The following TAAR1 variants were observed in gnomAD, a reference collection of about 807,000 sequenced individuals.
TAAR1 encodes the protein trace amine associated receptor 1.
TAAR1 carries 1 observed loss-of-function variant against 1.2 expected under a neutral mutation model. The ratio of observed to expected loss-of-function variants is 0.81; its 90% CI spans 0.29 to 3.86. The LOEUF is 3.86. Ranked by LOEUF, TAAR1 falls within the 30% of genes most tolerant of loss-of-function variation. The pLI is 0.18. For synonymous variants in TAAR1, 153 were observed against 132.2 expected (o/e 1.16, Z -1.08); for missense variants, 445 against 405.6 (o/e 1.10, Z -0.83).
rs139185142 is a variant in TAAR1, at chr6:132,644,822, T to G, written c.*162A>C. Among the ~76,000 whole-genome samples, 2 of 152,110 alleles carry G rather than the reference T, an allele frequency of 1.3e-5. No individual in the cohort carries two copies. The highest frequency in any genetic ancestry group is 3.9e-4 in the East Asian group (2 of 5,182). On this transcript the variant is annotated 3_prime_UTR_variant, in exon 2 of 2. Coordinates refer to ENST00000275216, the MANE Select transcript of TAAR1 (RefSeq NM_138327.4). ...AAGCGTATACCTACTATGTCCCAAA[T>G]AGGAAATTACCTATAAGCATCATAA...
intron 1 of TAAR1, among the ~76,000 whole-genome samples, chr6:132,647,393 CAT>C (rs527267533): frequency 4.4e-4 from 54 of 121,536 alleles, no homozygotes; most frequent in African/African-American, 1.2e-3. Context: ...CACACACACA[CAT>C]ATATAACACA....
At chr6:132,646,654 A>G (rs187033294) in intron 1 of TAAR1, among the ~76,000 whole-genome samples, 483 of 152,296 alleles carry the variant, frequency 3.2e-3, no homozygotes, top group Middle Eastern at 6.8e-3. Flanking sequence ...ACATATATTT[A>G]TTTGCAGCTT....
chr6:132,650,520 C>T (rs1777738850), intron 1 of TAAR1, among the ~76,000 whole-genome samples: 1 of 152,226 alleles, frequency 6.6e-6, no homozygotes, highest in African/African-American at 2.4e-5. Context: ...TCATTCCTCT[C>T]CTCTCTGAGA....
chr6:132,651,312 C>T (rs887117849), intron 1 of TAAR1, among the ~76,000 whole-genome samples: 1 of 152,200 alleles, frequency 6.6e-6, no homozygotes, highest in African/African-American at 2.4e-5. Flanking sequence ...AGTCTACACT[C>T]TGATGAGTAT....
In TAAR1 at chr6:132,643,321, A is replaced by G. The variant is rs1777618959; in HGVS notation, c.*1663T>C. Among the ~76,000 whole-genome samples, 2 of 151,988 alleles carry G rather than the reference A, an allele frequency of 1.3e-5. No individual in the cohort carries two copies. The highest frequency in any genetic ancestry group is 1.3e-4 in the Admixed American group (2 of 15,226). Reference sequence around the variant, plus strand: ...TACTGTAAAGTATAGAAAACTCACTAAATGCTTGTTTCCTTTTTAAAATTT... The same window carrying G: ...TACTGTAAAGTATAGAAAACTCACTGAATGCTTGTTTCCTTTTTAAAATTT... On this transcript the variant is annotated 3_prime_UTR_variant, in exon 2 of 2. Coordinates refer to ENST00000275216, the MANE Select transcript of TAAR1 (RefSeq NM_138327.4).
intron 1 of TAAR1, among the ~76,000 whole-genome samples, chr6:132,657,830 T>G (rs900135088): frequency 6.6e-6 from 1 of 152,104 alleles, no homozygotes; most frequent in African/African-American, 2.4e-5. Flanking sequence ...TCCATCTCTA[T>G]GACATATTCT....
At chr6:132,652,163 G>A (rs67114212) in intron 1 of TAAR1, among the ~76,000 whole-genome samples, 9,471 of 150,354 alleles carry the variant, frequency 0.063, 337 homozygotes, top group East Asian at 0.11. Context: ...CAAGCTAGGT[G>A]ATTTTTTTTT....
At chr6:132,655,000 C>T (rs1024094496) in intron 1 of TAAR1, among the ~76,000 whole-genome samples, 1 of 152,206 alleles carries the variant, frequency 6.6e-6, no homozygotes, top group Non-Finnish European at 1.5e-5. Context: ...CTGACATCCT[C>T]TGACAGCCCA....
In TAAR1 at chr6:132,643,809, A is replaced by C. The variant is rs1777625590; in HGVS notation, c.*1175T>G. The stretch of plus-strand genomic sequence containing the variant: ...CACTTCCTTTAGAGAATCTTATTTG[A>C]AACCATTATTTGTTCCTCTTTTGTA... On this transcript the variant is annotated 3_prime_UTR_variant, in exon 2 of 2. Transcript: ENST00000275216. 1.3e-5 allele frequency among the ~76,000 whole-genome samples: 2 copies of C among 152,014 alleles called. No homozygotes were observed. The highest frequency in any genetic ancestry group is 2.9e-5 in the Non-Finnish European group (2 of 67,942).
intron 1 of TAAR1, among the ~76,000 whole-genome samples, chr6:132,648,010 A>C (rs1777706139): frequency 6.6e-6 from 1 of 152,192 alleles, no homozygotes; most frequent in African/African-American, 2.4e-5. Context: ...ATTTATTTAA[A>C]AAGACACACA....
At chr6:132,646,612 A>G (rs896704200) in intron 1 of TAAR1, among the ~76,000 whole-genome samples, 2 of 152,150 alleles carry the variant, frequency 1.3e-5, no homozygotes, top group African/African-American at 2.4e-5. Context: ...TATATTTCTT[A>G]TTTTATAATT....
chr6:132,648,047 A>G (rs1257963793), intron 1 of TAAR1, among the ~76,000 whole-genome samples: 1 of 152,228 alleles, frequency 6.6e-6, no homozygotes, highest in Non-Finnish European at 1.5e-5. Flanking sequence ...GAAGCTAAAC[A>G]GCAAACAAAA....
chr6:132,655,302 C>T (rs1248250766), intron 1 of TAAR1, among the ~76,000 whole-genome samples: 2 of 151,468 alleles, frequency 1.3e-5, no homozygotes, highest in Admixed American at 1.3e-4. Context: ...GACTGAATCA[C>T]GGATCTGGTG....
chr6:132,645,775 T>G lies in TAAR1; in HGVS notation c.229A>C (p.Met77Leu). Reference protein sequence around the residue: ...TVDFLLGCLVMPYSMVRSAEH... With the variant: ...TVDFLLGCLVLPYSMVRSAEH... ...GCAGATCTCACCATACTGTAAGGCA[T>G]GACCAGACACCCCAGAAGAAAGTCC... The change falls in exon 2 of 2, where the codon ATG (methionine) becomes CTG (leucine). Residue 77 changes from methionine (M) to leucine (L), a missense_variant. Met to Leu is a conservative substitution (Grantham distance 15). Coordinates refer to ENST00000275216, the MANE Select transcript of TAAR1 (RefSeq NM_138327.4). 1 of 1,613,762 alleles carries G rather than the reference T, an allele frequency of 6.2e-7. No individual in the cohort carries two copies. The highest frequency in any genetic ancestry group is 8.5e-7 in the Non-Finnish European group (1 of 1,179,810).
chr6:132,657,168 T>C (rs934217330), intron 1 of TAAR1, among the ~76,000 whole-genome samples: 4 of 152,082 alleles, frequency 2.6e-5, no homozygotes, highest in African/African-American at 9.7e-5. Context: ...TAACACCTAG[T>C]TGTTATCAGG....
At chr6:132,648,747 C>T (rs1777715288) in intron 1 of TAAR1, among the ~76,000 whole-genome samples, 1 of 152,192 alleles carries the variant, frequency 6.6e-6, no homozygotes, top group African/African-American at 2.4e-5. Context: ...ATCTAAGGAC[C>T]TGGCAAAATA....
At chr6:132,657,013 A>G (rs1777810546) in intron 1 of TAAR1, among the ~76,000 whole-genome samples, 1 of 152,194 alleles carries the variant, frequency 6.6e-6, no homozygotes, top group Admixed American at 6.5e-5. Context: ...ATTAATATAT[A>G]AAGTAAGGTT....
At chr6:132,651,214 T>C (rs568847035) in intron 1 of TAAR1, among the ~76,000 whole-genome samples, 13 of 152,306 alleles carry the variant, frequency 8.5e-5, no homozygotes, top group African/African-American at 3.1e-4. Flanking sequence ...ACGGTTCTTC[T>C]TCATCTCACT....
intron 1 of TAAR1, among the ~76,000 whole-genome samples, chr6:132,646,444 A>C (rs1424963812): frequency 3.3e-5 from 5 of 152,126 alleles, no homozygotes; most frequent in African/African-American, 1.2e-4. Context: ...AAGCCAGTCT[A>C]GTGGGGGAGA....
Sources: allele counts gnomAD v4.1 joint callset (sites outside exome capture counted in the v4.1 genomes callset), GRCh38; gene constraint gnomAD v4.1.1; transcripts MANE v1.5; gene names NCBI Gene and HGNC (gene_info 2026-07-23, HGNC 2026-07-21).